The following PIGL variants were observed in gnomAD, a reference collection of about 807,000 sequenced individuals.
PIGL encodes the protein N-acetylglucosaminyl-phosphatidylinositol de-N-acetylase.
Under a neutral mutation model 31.1 loss-of-function variants are expected in PIGL, and 22 were observed. That is an observed-to-expected ratio of 0.71 (90% confidence interval 0.51 to 1.01). The LOEUF (loss-of-function observed/expected upper bound fraction) is 1.01, where lower values mean the gene tolerates loss of function less well. Ranked by LOEUF, PIGL falls within the 50% of genes least tolerant of loss-of-function variation. The pLI, the probability that PIGL is intolerant of heterozygous loss-of-function variation, is 0.00. For missense variants in PIGL, 302 were observed against 315.9 expected (o/e 0.96, Z 0.33); for synonymous variants, 131 against 117.4 (o/e 1.12, Z -0.75).
intron 5 of PIGL, 42 bp from the exon 6 acceptor site, chr17:16,317,733 G>T: frequency 6.2e-7 from 1 of 1,610,776 alleles, no homozygotes; most frequent in Non-Finnish European, 8.5e-7. Flanking sequence ...CTGGCTGGAG[G>T]CCTCAAGGCT....
chr17:16,252,909 C>T (rs992009130), intron 2 of PIGL, among the ~76,000 whole-genome samples: 1 of 152,148 alleles, frequency 6.6e-6, no homozygotes, highest in Non-Finnish European at 1.5e-5. Flanking sequence ...CAGAAAAGAA[C>T]TGTTTATGGT....
chr17:16,324,059 C>T (rs1261466846), intron 6 of PIGL, among the ~76,000 whole-genome samples: 1 of 150,906 alleles, frequency 6.6e-6, no homozygotes, highest in Non-Finnish European at 1.5e-5. Context: ...TGGGTTCAAG[C>T]GAGTCCCCTG....
chr17:16,235,763 T>TC (rs2092697328), intron 2 of PIGL, among the ~76,000 whole-genome samples: 1 of 150,770 alleles, frequency 6.6e-6, no homozygotes, highest in Non-Finnish European at 1.5e-5. Context: ...TTTTTTTTTT[T>TC]TTTTTTTTGC....
At chr17:16,261,008 G>A (rs1417503465) in intron 2 of PIGL, among the ~76,000 whole-genome samples, 1 of 151,700 alleles carries the variant, frequency 6.6e-6, no homozygotes, top group Non-Finnish European at 1.5e-5. Flanking sequence ...AATCTCAGCT[G>A]CTCAGGAGTC....
chr17:16,218,814 G>A (rs931726055), intron 1 of PIGL, among the ~76,000 whole-genome samples: 4 of 151,578 alleles, frequency 2.6e-5, no homozygotes, highest in African/African-American at 9.7e-5. Flanking sequence ...AAGTAGCTGG[G>A]TTTACAAGCG....
chr17:16,227,973 T>G (rs2092660037), intron 1 of PIGL, among the ~76,000 whole-genome samples: 1 of 152,172 alleles, frequency 6.6e-6, no homozygotes, highest in African/African-American at 2.4e-5. Context: ...TTGAAAGATT[T>G]TATTCATTGA....
rs1275630654 is a variant in PIGL, at chr17:16,286,874, T to A, written c.336-13014T>A. ...CGAACCTGCCTGGATTCCTCACCTC[T>A]TCCCCTGCCCATCTCTCCTTCCCGC... On this transcript the variant is annotated intron_variant, in intron 2 of 6. Coordinates refer to ENST00000225609, the MANE Select transcript of PIGL (RefSeq NM_004278.4). Among the ~76,000 whole-genome samples, 3 of 152,270 alleles carry A rather than the reference T, an allele frequency of 2.0e-5. No individual in the cohort carries two copies. In the East Asian group the frequency reaches 5.8e-4, roughly 29 times the overall value.
intron 2 of PIGL, among the ~76,000 whole-genome samples, chr17:16,292,493 G>A (rs74839386): frequency 0.048 from 7,337 of 151,614 alleles, 219 homozygotes; most frequent in African/African-American, 0.09. Context: ...AGAGATCCAC[G>A]CATGTGCTTT....
chr17:16,265,675 G>A (rs1600799084), intron 2 of PIGL, among the ~76,000 whole-genome samples: 1 of 152,014 alleles, frequency 6.6e-6, no homozygotes, highest in African/African-American at 2.4e-5. Flanking sequence ...AGGAGGCAGA[G>A]GTTGCAATGA....
At chr17:16,228,030 C>A (rs2092660142) in intron 1 of PIGL, among the ~76,000 whole-genome samples, 1 of 149,924 alleles carries the variant, frequency 6.7e-6, no homozygotes, top group Non-Finnish European at 1.5e-5. Context: ...ACATACATAA[C>A]AAGAACTTAC....
At chr17:16,308,112 A>C (rs2093033617) in intron 3 of PIGL, among the ~76,000 whole-genome samples, 1 of 152,088 alleles carries the variant, frequency 6.6e-6, no homozygotes, top group Non-Finnish European at 1.5e-5. Context: ...AGGCAGGTGC[A>C]TCACGAGGTC....
intron 2 of PIGL, among the ~76,000 whole-genome samples, chr17:16,250,167 G>A (rs146692663): frequency 0.03 from 4,535 of 152,140 alleles, 96 homozygotes; most frequent in Non-Finnish European, 0.044. Flanking sequence ...GGCTGGTCTC[G>A]AACTCCTGAC....
chr17:16,281,527 G>A (rs2142792783), intron 2 of PIGL, among the ~76,000 whole-genome samples: 1 of 152,306 alleles, frequency 6.6e-6, no homozygotes, highest in Admixed American at 6.5e-5. Flanking sequence ...CACTGCAAGT[G>A]TATCTTTTGT....
At chr17:16,238,462 G>T (rs1216734089) in intron 2 of PIGL, among the ~76,000 whole-genome samples, 1 of 144,070 alleles carries the variant, frequency 6.9e-6, no homozygotes, top group African/African-American at 2.5e-5. Context: ...TTGAGACGGG[G>T]TCTTGCTCTG....
intron 1 of PIGL, among the ~76,000 whole-genome samples, chr17:16,233,156 C>T (rs748727029): frequency 6.6e-5 from 10 of 151,356 alleles, no homozygotes; most frequent in Non-Finnish European, 1.3e-4. Context: ...GGTGAAGAAA[C>T]TGTGGCTCAA....
intron 2 of PIGL, among the ~76,000 whole-genome samples, chr17:16,287,800 C>T (rs985313385): frequency 1.3e-5 from 2 of 152,176 alleles, no homozygotes; most frequent in Admixed American, 1.3e-4. Context: ...TCATAAGCCA[C>T]AATTCAGGAA....
intron 2 of PIGL, among the ~76,000 whole-genome samples, chr17:16,239,385 A>T (rs143453728): frequency 0.021 from 3,260 of 151,960 alleles, 82 homozygotes; most frequent in East Asian, 0.049. Context: ...CAGGAAGCTA[A>T]GGCAGGAGAA....
In PIGL at chr17:16,218,424, C is replaced by T. The variant is rs571184748; in HGVS notation, c.235+963C>T. 7.2e-5 allele frequency among the ~76,000 whole-genome samples: 11 copies of T among 152,254 alleles called. No homozygotes were observed. In the South Asian group the frequency reaches 2.3e-3, roughly 32 times the overall value. ...GTGGAAAGCTAGATAAGAGCAGTGT[C>T]CTCATGAAACTTTAAACATCTACCT... On this transcript the variant is annotated intron_variant, in intron 1 of 6. Transcript: ENST00000225609.
At position 16,217,446 on chromosome 17, in the gene PIGL, C is replaced by T; in HGVS notation, c.220C>T (p.Leu74Phe). The T allele has an allele frequency of 1.2e-6, 2 of 1,613,878 alleles. No individual in the cohort carries two copies. The highest frequency in any genetic ancestry group is 1.7e-6 in the Non-Finnish European group (2 of 1,179,742). Residue 74 changes from leucine to phenylalanine, a missense_variant, in exon 1 of 7, where the codon CTT (leucine) becomes TTT (phenylalanine). Physicochemically the swap from Leu to Phe is conservative, Grantham distance 22. Transcript: ENST00000225609. ...LARLRHWVYL[L>F]CFSAGNYYNQ... is the part of the protein sequence containing the mutation. ...CCGCCTAAGGCACTGGGTGTACCTG[C>T]TTTGCTTCTCTGCAGGTAGGAGGCC... is the stretch of plus-strand genomic sequence containing the variant.
Sources: gnomAD v4.1 joint callset for allele counts (sites outside exome capture counted in the v4.1 genomes callset) on GRCh38, gnomAD v4.1.1 for gene constraint, MANE v1.5 for transcripts, NCBI Gene and HGNC (gene_info 2026-07-23, HGNC 2026-07-21) for gene names.